Variants in ACP2 observed in about 807,000 individuals in gnomAD.
ACP2 encodes the protein lysosomal acid phosphatase.
In ACP2, 35 loss-of-function variants were observed where a neutral mutation model predicts 54.7. That is an observed-to-expected ratio of 0.64 (90% CI 0.49 to 0.85). The LOEUF is 0.85. Ranked by LOEUF, ACP2 falls within the 40% of genes least tolerant of loss-of-function variation. The pLI, the probability that ACP2 is intolerant of heterozygous loss-of-function variation, is 0.00. For synonymous variants in ACP2, 210 were observed against 224.4 expected (o/e 0.94, Z 0.57); for missense variants, 492 against 565.0 (o/e 0.87, Z 1.31).
chr11:47,245,596 G>A (rs1591017754), intron 4 of ACP2, 24 bp from the exon 5 acceptor site: 1 of 1,614,236 alleles, frequency 6.2e-7, no homozygotes, highest in African/African-American at 1.3e-5. Context: ...CGGGGAAACA[G>A]GCAGCGGGAA....
Position 47,243,317 on chromosome 11 carries a change from G to C in ACP2, c.777C>G (p.Val259=). The change falls in exon 8 of 11, where the codon GTC becomes GTG. Residue 259 remains valine, a synonymous_variant. Coordinates refer to ENST00000672073, the MANE Select transcript of ACP2 (RefSeq NM_001610.4). ...GGTTCTTCCTTATCTGAGCCAGCAGGACTCCTGAAGGAGAAAAGTCCCCGG... is the reference window on the plus strand; with the variant it reads ...GGTTCTTCCTTATCTGAGCCAGCAGCACTCCTGAAGGAGAAAAGTCCCCGG... ...QAEKARLQGG[V]LLAQIRKNLT... 12 of 1,614,130 alleles carry C rather than the reference G, an allele frequency of 7.4e-6. No homozygotes were observed. Among genetic ancestry groups the C allele is most frequent in the Non-Finnish European group, 1.0e-5 (12 of 1,179,976 alleles).
chr11:47,248,709 G>A lies in ACP2; in HGVS notation c.81C>T (p.Pro27=). ...LLGVNLVVMP[P]TRARSLRFVT... is the part of the protein sequence containing the mutation. Reference sequence around the variant, plus strand: ...CGAAGCGCAGACTCCGGGCCCGGGTGGGCGGCATCACCACCAGGTTCACGC... The same window carrying A: ...CGAAGCGCAGACTCCGGGCCCGGGTAGGCGGCATCACCACCAGGTTCACGC... The change falls in exon 1 of 11, where the codon CCC becomes CCT. Residue 27 remains proline (P), a synonymous_variant. Coordinates refer to ENST00000672073, the MANE Select transcript of ACP2 (RefSeq NM_001610.4). 6.2e-7 allele frequency: 1 copy of A among 1,612,076 alleles called. No individual in the cohort carries two copies. Among genetic ancestry groups the A allele is most frequent in the Non-Finnish European group, 8.5e-7 (1 of 1,179,304 alleles).
chr11:47,247,429 T>C (rs1163837188), intron 3 of ACP2: 2 of 606,498 alleles, frequency 3.3e-6, no homozygotes, highest in African/African-American at 3.7e-5. Context: ...CGAATTTGGA[T>C]GCTTAATCAA....
In ACP2 at chr11:47,245,575, G is replaced by A. The variant is rs1391629426; in HGVS notation, c.451-3C>T. On this transcript the variant is annotated splice_region_variant and splice_polypyrimidine_tract_variant and intron_variant, in intron 4 of 10. Transcript: ENST00000672073. ...GGGCCCAACGGGAACTTCAGCAGCT[G>A]TAGAGCGAAGCGGGGAAACAGGCAG... The A allele has an allele frequency of 1.2e-5, 19 of 1,614,284 alleles. No individual in the cohort carries two copies. Among genetic ancestry groups the A allele is most frequent in the Non-Finnish European group, 1.6e-5 (19 of 1,180,054 alleles).
chr11:47,245,267 G>C, intron 6 of ACP2, 38 bp downstream of exon 6: 1 of 1,602,824 alleles, frequency 6.2e-7, no homozygotes, highest in South Asian at 1.1e-5. Flanking sequence ...TGCTGAGAGG[G>C]AAAAGAATGA....
chr11:47,240,131 C>A lies in ACP2; in HGVS notation c.1257G>T (p.Gly419=), dbSNP rs1953831019. The A allele has an allele frequency of 6.2e-7, 1 of 1,613,776 alleles. No homozygotes were observed. Among genetic ancestry groups the A allele is most frequent in the African/African-American group, 1.3e-5 (1 of 75,042 alleles). The change falls in exon 11 of 11, where the codon GGG becomes GGT. Residue 419 remains glycine (G), a synonymous_variant. Transcript: ENST00000672073. The part of the protein sequence containing the change: ...QPPGYRHVAD[G]EDHA The stretch of plus-strand genomic sequence containing the variant: ...TGAGTGGTTGTCAGGCGTGGTCCTC[C>A]CCATCTGCGACGTGGCGGTAGCCAG...
intron 1 of ACP2, chr11:47,248,345 C>T: frequency 1.6e-6 from 2 of 1,248,602 alleles, no homozygotes; most frequent in Admixed American, 2.3e-5. Context: ...ATAGGCAAAG[C>T]CAAGGTACAG....
chr11:47,248,149 G>T lies in ACP2; in HGVS notation c.115-16C>A, dbSNP rs563856413. The T allele has an allele frequency of 6.3e-7, 1 of 1,586,634 alleles. No homozygotes were observed. Among genetic ancestry groups the T allele is most frequent in the South Asian group, 1.2e-5 (1 of 86,178 alleles). ...GGCGGTACAGCTGAGAGAATAAAAT[G>T]GTTTGCCTATAGGTCAGAAGCATCC... On this transcript the variant is annotated splice_polypyrimidine_tract_variant and intron_variant, in intron 1 of 10. Transcript: ENST00000672073.
Position 47,244,854 on chromosome 11 carries a change from A to C in ACP2, c.653T>G (p.Leu218Arg). ...GGGTGAGGCCCAGGGCGGCAGGCGC[A>C]GCCCGTGCGTTTGCTGTGTATCGCA... ...DTLFCEQTHGLRLPPWASPQT... is the reference protein window; with the variant it reads ...DTLFCEQTHGRRLPPWASPQT... The change falls in exon 7 of 11, where the codon CTG becomes CGG. Residue 218 changes from leucine (L) to arginine (R), a missense_variant. Coordinates refer to ENST00000672073, the MANE Select transcript of ACP2 (RefSeq NM_001610.4). 1 of 1,608,172 alleles carries C rather than the reference A, an allele frequency of 6.2e-7. No individual in the cohort carries two copies.
chr11:47,248,633 T>G, intron 1 of ACP2, 43 bp downstream of exon 1: 1 of 1,579,584 alleles, frequency 6.3e-7, no homozygotes, highest in Non-Finnish European at 8.6e-7. Context: ...GCCTTTGCCC[T>G]TTTAGCTTCA....
In ACP2 at chr11:47,243,091, G is replaced by A. The variant is rs1953935579; in HGVS notation, c.889C>T (p.Leu297=). The A allele has an allele frequency of 6.2e-6, 10 of 1,614,260 alleles. No homozygotes were observed. Among genetic ancestry groups the A allele is most frequent in the African/African-American group, 1.3e-5 (1 of 75,068 alleles). The part of the protein sequence containing the change: ...DTTLVALQMA[L]DVYNGEQAPY... ...GCTTGTTCACCATTGTAGACATCCAGTGCCATTTGCAGGGCAACCAGGGTA... is the reference window on the plus strand; with the variant it reads ...GCTTGTTCACCATTGTAGACATCCAATGCCATTTGCAGGGCAACCAGGGTA... Residue 297 remains leucine (L), a synonymous_variant, in exon 9 of 11, where the codon CTG becomes TTG. Coordinates refer to ENST00000672073, the MANE Select transcript of ACP2 (RefSeq NM_001610.4).
At chr11:47,246,276 G>GA (rs1357510046) in intron 3 of ACP2, among the ~76,000 whole-genome samples, 2 of 152,086 alleles carry the variant, frequency 1.3e-5, no homozygotes, top group Admixed American at 1.3e-4. Flanking sequence ...AGACCAGGGA[G>GA]AAAAAAATAA....
intron 7 of ACP2, 79 bp downstream of exon 7, chr11:47,244,656 G>T: frequency 8.6e-7 from 1 of 1,163,810 alleles, no homozygotes. Flanking sequence ...AGAGGGAAGT[G>T]TGTGAGAAGC....
At chr11:47,248,466 T>C in intron 1 of ACP2, 1 of 1,547,302 alleles carries the variant, frequency 6.5e-7, no homozygotes, top group Non-Finnish European at 8.7e-7. Context: ...ACCACTTCCC[T>C]GTCTCAAGGC....
At chr11:47,244,512 T>A (rs1365002474) in intron 7 of ACP2, among the ~76,000 whole-genome samples, 1 of 151,136 alleles carries the variant, frequency 6.6e-6, no homozygotes, top group Non-Finnish European at 1.5e-5. Flanking sequence ...GGAAACTCCA[T>A]CCCCCCGAAA....
chr11:47,242,799 G>C lies in ACP2; in HGVS notation c.1062C>G (p.Phe354Leu). 6.2e-7 allele frequency: 1 copy of C among 1,614,222 alleles called. No homozygotes were observed. The highest frequency in any genetic ancestry group is 1.6e-4 in the Middle Eastern group (1 of 6,062). Residue 354 changes from phenylalanine (F) to leucine (L), a missense_variant, in exon 10 of 11, where the codon TTC becomes TTG. Transcript: ENST00000672073. ...GCACGACGGGCTCTGTGAGGCGAAG[G>C]AAGTCCTGCAGTGGGCAGCGGTGAG... is the stretch of plus-strand genomic sequence containing the variant. ...GCPHRCPLQD[F>L]LRLTEPVVPK... is the part of the protein sequence containing the mutation.
intron 6 of ACP2, 26 bp from the exon 7 acceptor site, chr11:47,244,893 C>T (rs750692467): frequency 9.5e-6 from 15 of 1,576,422 alleles, no homozygotes; most frequent in Non-Finnish European, 1.3e-5. Flanking sequence ...GGCAGGTTAG[C>T]GCCCCAGGCC....
intron 1 of ACP2, 146 bp downstream of exon 1, chr11:47,248,530 G>A: frequency 6.4e-7 from 1 of 1,551,464 alleles, no homozygotes; most frequent in Non-Finnish European, 8.7e-7. Context: ...AGGGCTCCAG[G>A]TCAATCCTGA....
At chr11:47,242,556 C>T (rs920799863) in intron 10 of ACP2, among the ~76,000 whole-genome samples, 167 bp downstream of exon 10, 1 of 152,050 alleles carries the variant, frequency 6.6e-6, no homozygotes, top group Non-Finnish European at 1.5e-5. Context: ...TGAGACATCA[C>T]CCGAGGGTGA....
Sources: allele counts gnomAD v4.1 joint callset (sites outside exome capture counted in the v4.1 genomes callset), GRCh38; gene constraint gnomAD v4.1.1; transcripts MANE v1.5; gene names NCBI Gene and HGNC (gene_info 2026-07-23, HGNC 2026-07-21).